The following CD3G variants were observed in gnomAD, a reference collection of about 807,000 sequenced individuals.
CD3G encodes the protein T-cell surface glycoprotein CD3 gamma chain.
CD3G carries 24 observed loss-of-function variants against 28.3 expected under a neutral mutation model. The ratio of observed to expected loss-of-function variants is 0.85; its 90% CI spans 0.61 to 1.19. The LOEUF is 1.19. CD3G is among the 50% of genes most tolerant of loss of function. CD3G has a pLI of 0.00. For synonymous variants in CD3G, 71 were observed against 75.9 expected, an observed-to-expected ratio of 0.93 and a Z score of 0.34; for missense variants, 211 against 210.0, an observed-to-expected ratio of 1.00 and a Z score of -0.03.
At position 118,351,532 on chromosome 11, in the gene CD3G, T is replaced by C. The variant is rs929710491; in HGVS notation, c.440-96T>C. ...CTTTATCCATACTCTTGTGTATATA[T>C]AAAACTCTTATTGTTATTTAGTATT... On this transcript the variant is annotated intron_variant, in intron 4 of 6. Transcript: ENST00000532917. The C allele has an allele frequency of 2.1e-5, 24 of 1,146,660 alleles. No individual in the cohort carries two copies. In the East Asian group the frequency reaches 5.4e-4, roughly 26 times the overall value. 71.0% of individuals were successfully genotyped at this position (1,146,660 alleles called of 1,614,324 possible).
chr11:118,352,334 C>A, intron 5 of CD3G, 70 bp from the exon 6 acceptor site: 1 of 1,281,652 alleles, frequency 7.8e-7, no homozygotes, highest in South Asian at 1.2e-5. Context: ...AAAAAACATT[C>A]AATAAACATG....
Position 118,344,498 on chromosome 11 carries a change from C to G in CD3G, c.55+20C>G, listed in dbSNP as rs370839678. The stretch of plus-strand genomic sequence containing the variant: ...TTCAAGGTAAGGGCCTACTAGGGGT[C>G]TGGAAGCCTGGGGAAGGGCTCAAGG... On this transcript the variant is annotated intron_variant, in intron 1 of 6. Coordinates refer to ENST00000532917, the MANE Select transcript of CD3G (RefSeq NM_000073.3). The G allele has an allele frequency of 1.9e-6, 3 of 1,553,760 alleles. No individual in the cohort carries two copies. The highest frequency in any genetic ancestry group is 2.6e-6 in the Non-Finnish European group (3 of 1,146,068).
At chr11:118,344,556 G>A in intron 1 of CD3G, 78 bp downstream of exon 1, 1 of 1,242,496 alleles carries the variant, frequency 8.0e-7, no homozygotes. Flanking sequence ...CAGGAATATT[G>A]GTATCCCTAA....
At chr11:118,350,130 C>T (rs1469635647) in intron 3 of CD3G, 160 bp downstream of exon 3, 1 of 665,094 alleles carries the variant, frequency 1.5e-6, no homozygotes, top group Admixed American at 2.5e-5. Context: ...CTGTAAGATA[C>T]TTCCCTCACC....
In CD3G at chr11:118,349,862, G is replaced by A. The variant is rs767070467; in HGVS notation, c.199G>A (p.Glu67Lys). The stretch of plus-strand genomic sequence containing the variant: ...TGGGAAGATGATCGGCTTCCTAACT[G>A]AAGATAAAAAAAAATGGAATCTGGG... ...KDGKMIGFLT[E>K]DKKKWNLGSN... Residue 67 changes from glutamate to lysine, a missense_variant, in exon 3 of 7, where the codon GAA (glutamate) becomes AAA (lysine). Transcript: ENST00000532917. The A allele has an allele frequency of 6.2e-7, 1 of 1,613,950 alleles. No individual in the cohort carries two copies.
intron 1 of CD3G, among the ~76,000 whole-genome samples, chr11:118,346,630 A>T: frequency 6.6e-6 from 1 of 151,978 alleles, no homozygotes; most frequent in East Asian, 1.9e-4. Flanking sequence ...AACCTGGGCA[A>T]AATAGGGATA....
In CD3G at chr11:118,349,808, G is replaced by A; in HGVS notation, c.145G>A (p.Glu49Lys). The A allele has an allele frequency of 6.2e-7, 1 of 1,614,062 alleles. No homozygotes were observed. The highest frequency in any genetic ancestry group is 8.5e-7 in the Non-Finnish European group (1 of 1,180,004). ...DGSVLLTCDA[E>K]AKNITWFKDG... Reference sequence around the variant, plus strand: ...TTCGGTACTTCTGACTTGTGATGCAGAAGCCAAAAATATCACATGGTTTAA... The same window carrying A: ...TTCGGTACTTCTGACTTGTGATGCAAAAGCCAAAAATATCACATGGTTTAA... Residue 49 changes from glutamate to lysine, a missense_variant, in exon 3 of 7, where the codon GAA becomes AAA. Glu to Lys is a moderately conservative substitution (Grantham distance 56). Coordinates refer to ENST00000532917, the MANE Select transcript of CD3G (RefSeq NM_000073.3).
intron 4 of CD3G, chr11:118,351,004 C>T (rs964782157): frequency 4.8e-5 from 22 of 459,000 alleles, no homozygotes; most frequent in Non-Finnish European, 7.2e-5. Flanking sequence ...CTGGCTAGCA[C>T]GGTGAAACCC....
At chr11:118,350,888 T>TAAAAAAAAAAAAAAAAA in intron 4 of CD3G, 1 of 684,480 alleles carries the variant, frequency 1.5e-6, no homozygotes, top group South Asian at 7.2e-5. Context: ...GCTCCCTCTG[T>TAAAAAAAAAAAAAAAAA]GAAAAAAAAA....
Position 118,354,892 on chromosome 11 carries a change from A to G in CD3G, c.*1792A>G, listed in dbSNP as rs1948437606. 1 of 152,132 alleles carries G rather than the reference A, an allele frequency of 6.6e-6. No homozygotes were observed. Among genetic ancestry groups the G allele is most frequent in the African/African-American group, 2.4e-5 (1 of 41,414 alleles). The allele number at this position is 152,132 out of a possible 1,614,324, so 9.4% of individuals were successfully genotyped here. On this transcript the variant is annotated 3_prime_UTR_variant, in exon 7 of 7. Transcript: ENST00000532917. The stretch of plus-strand genomic sequence containing the variant: ...GATATATGATTTGGAAATATTTTCT[A>G]CCAATCTGTGGTTTGTTTTTCTTAA...
rs1199829258 is a variant in CD3G, at chr11:118,354,833, G to T, written c.*1733G>T. ...TTATTTGTTTGTCTTCTTACTATTGGGTTGCATATGTTTTTGATATAAGTC... is the reference window on the plus strand; with the variant it reads ...TTATTTGTTTGTCTTCTTACTATTGTGTTGCATATGTTTTTGATATAAGTC... On this transcript the variant is annotated 3_prime_UTR_variant, in exon 7 of 7. Transcript: ENST00000532917. The T allele has an allele frequency of 4.6e-5, 7 of 151,890 alleles. No individual in the cohort carries two copies. Among genetic ancestry groups the T allele is most frequent in the Admixed American group, 2.6e-4 (4 of 15,242 alleles). 9.4% of individuals were successfully genotyped at this position (151,890 alleles called of 1,614,324 possible). A position where few individuals can be genotyped will look rare whatever the true frequency, so the allele number is the denominator to read the frequency against.
At chr11:118,346,570 C>T (rs1266293768) in intron 1 of CD3G, among the ~76,000 whole-genome samples, 1 of 152,140 alleles carries the variant, frequency 6.6e-6, no homozygotes, top group Non-Finnish European at 1.5e-5. Context: ...AATCCCAACA[C>T]TTTGGGAGGC....
At chr11:118,351,992 C>T (rs1207473902) in intron 5 of CD3G, among the ~76,000 whole-genome samples, 2 of 152,064 alleles carry the variant, frequency 1.3e-5, no homozygotes, top group African/African-American at 4.8e-5. Flanking sequence ...ACAGGTGAAT[C>T]ACCTGAGGTC....
At chr11:118,349,391 C>T in intron 2 of CD3G, 1 of 912,354 alleles carries the variant, frequency 1.1e-6, no homozygotes, top group Non-Finnish European at 1.5e-6. Context: ...TCTATTCTAC[C>T]CAAAGTGATC....
chr11:118,348,981 C>A, intron 1 of CD3G, 46 bp from the exon 2 acceptor site: 1 of 1,607,652 alleles, frequency 6.2e-7, no homozygotes. Flanking sequence ...GGCATCTGAA[C>A]AACTCCATGC....
At chr11:118,351,331 G>T (rs900469714) in intron 4 of CD3G, among the ~76,000 whole-genome samples, 18 of 151,700 alleles carry the variant, frequency 1.2e-4, no homozygotes, top group Admixed American at 9.9e-4. Flanking sequence ...TATTACCAAT[G>T]CCATTGAAGC....
At chr11:118,350,885 C>CT in intron 4 of CD3G, 2 of 645,390 alleles carry the variant, frequency 3.1e-6, no homozygotes, top group Non-Finnish European at 3.9e-6. Context: ...ACAGCTCCCT[C>CT]TGTGAAAAAA....
chr11:118,348,287 C>A (rs1034913961), intron 1 of CD3G, among the ~76,000 whole-genome samples: 3 of 152,148 alleles, frequency 2.0e-5, no homozygotes, highest in African/African-American at 7.2e-5. Context: ...AAACTGCCTG[C>A]AATCTTAAGG....
At chr11:118,351,498 G>A (rs1591285603) in intron 4 of CD3G, 130 bp from the exon 5 acceptor site, 1 of 823,224 alleles carries the variant, frequency 1.2e-6, no homozygotes. Context: ...TCAACAACAT[G>A]TTTATGTGCT....
Sources: gnomAD v4.1 joint callset for allele counts (sites outside exome capture counted in the v4.1 genomes callset) on GRCh38, gnomAD v4.1.1 for gene constraint, MANE v1.5 for transcripts, NCBI Gene and HGNC (gene_info 2026-07-23, HGNC 2026-07-21) for gene names.